RNF121: variants seen among roughly 807,000 people sequenced by gnomAD.
The protein encoded by RNF121 is ring finger protein 121, also known as E3 ubiquitin ligase RNF121.
RNF121 carries 21 observed loss-of-function variants against 46.5 expected under a neutral mutation model. The observed-to-expected ratio is 0.45, with a 90% CI of 0.32 to 0.65. The LOEUF (loss-of-function observed/expected upper bound fraction) is 0.65, where lower values mean the gene tolerates loss of function less well. RNF121 is among the 30% of genes least tolerant of loss of function. The pLI, the probability that RNF121 is intolerant of heterozygous loss-of-function variation, is 0.04. For synonymous variants in RNF121, 139 were observed against 144.7 expected (o/e 0.96, Z 0.28); for missense variants, 346 against 416.0 (o/e 0.83, Z 1.46).
At chr11:71,949,254 C>CA (rs879696416) in intron 1 of RNF121, among the ~76,000 whole-genome samples, 4 of 152,080 alleles carry the variant, frequency 2.6e-5, no homozygotes, top group Non-Finnish European at 5.9e-5. Context: ...CCCTTATCTA[C>CA]AAAAAATTTA....
chr11:71,979,582 C>T (rs1229839933), intron 3 of RNF121, among the ~76,000 whole-genome samples: 1 of 152,198 alleles, frequency 6.6e-6, no homozygotes, highest in Non-Finnish European at 1.5e-5. Flanking sequence ...CCTCATGCCC[C>T]GACTTACTCC....
chr11:71,942,774 A>G (rs901202998), intron 1 of RNF121, among the ~76,000 whole-genome samples: 6 of 12,120 alleles, frequency 5.0e-4, no homozygotes, highest in Non-Finnish European at 4.2e-3. Context: ...ATATATCTGT[A>G]TATATATATA....
intron 4 of RNF121, chr11:71,983,735 G>A (rs1395058405): frequency 6.6e-6 from 1 of 152,298 alleles, no homozygotes; most frequent in East Asian, 1.9e-4. Flanking sequence ...TTTAATGGAG[G>A]AGATGGACAA....
intron 4 of RNF121, among the ~76,000 whole-genome samples, chr11:71,984,770 T>G (rs1230747526): frequency 1.1e-5 from 1 of 89,648 alleles, no homozygotes; most frequent in African/African-American, 4.3e-5. Flanking sequence ...TTTTTTTTTT[T>G]GTCTATTTTT....
intron 3 of RNF121, among the ~76,000 whole-genome samples, chr11:71,970,445 G>T (rs765348675): frequency 6.6e-5 from 10 of 152,174 alleles, no homozygotes; most frequent in Non-Finnish European, 8.8e-5. Flanking sequence ...AGGATCACTT[G>T]ATTCCAGGAG....
At chr11:71,954,801 A>G (rs1464086764) in intron 1 of RNF121, among the ~76,000 whole-genome samples, 1 of 152,212 alleles carries the variant, frequency 6.6e-6, no homozygotes, top group Non-Finnish European at 1.5e-5. Context: ...CTGGTGTCAA[A>G]TGAATACTCC....
At chr11:71,982,283 C>G (rs931721522) in intron 3 of RNF121, among the ~76,000 whole-genome samples, 1 of 126,402 alleles carries the variant, frequency 7.9e-6, no homozygotes, top group African/African-American at 3.0e-5. Context: ...CTACAGTGAG[C>G]CAGGATCACA....
chr11:71,929,610 A>G (rs74712916), intron 1 of RNF121, among the ~76,000 whole-genome samples: 3,868 of 152,250 alleles, frequency 0.025, 159 homozygotes, highest in African/African-American at 0.089. Context: ...TGTTTTATTT[A>G]TCGTTCCATT....
intron 1 of RNF121, among the ~76,000 whole-genome samples, chr11:71,938,383 G>A (rs1313827625): frequency 7.0e-6 from 1 of 143,156 alleles, no homozygotes; most frequent in Non-Finnish European, 1.5e-5. Flanking sequence ...TGCAGTGGTA[G>A]ATCTCTGCTC....
intron 1 of RNF121, among the ~76,000 whole-genome samples, chr11:71,953,753 A>C (rs888941289): frequency 2.0e-5 from 3 of 152,208 alleles, no homozygotes; most frequent in Non-Finnish European, 4.4e-5. Flanking sequence ...AAAGGGCCTT[A>C]AGGGACAAAA....
intron 1 of RNF121, among the ~76,000 whole-genome samples, chr11:71,945,290 A>T: frequency 6.6e-6 from 1 of 152,144 alleles, no homozygotes; most frequent in East Asian, 1.9e-4. Context: ...TGTCTGGCCA[A>T]GATTCACTTT....
chr11:71,936,973 C>G (rs1366928359), intron 1 of RNF121, among the ~76,000 whole-genome samples: 3 of 152,152 alleles, frequency 2.0e-5, no homozygotes, highest in Non-Finnish European at 4.4e-5. Flanking sequence ...GGAATGTTGA[C>G]TAAATTGCAA....
At chr11:71,968,810 C>T (rs923746565) in intron 3 of RNF121, among the ~76,000 whole-genome samples, 3 of 151,668 alleles carry the variant, frequency 2.0e-5, no homozygotes, top group Non-Finnish European at 2.9e-5. Context: ...TCCCTATGAT[C>T]TGGGAGTTTA....
At chr11:71,988,309 G>A (rs1182198932) in intron 5 of RNF121, among the ~76,000 whole-genome samples, 1 of 152,172 alleles carries the variant, frequency 6.6e-6, no homozygotes, top group Non-Finnish European at 1.5e-5. Context: ...AGATGAGGGT[G>A]GAAATAATGC....
chr11:71,986,756 G>A (rs564542091), intron 4 of RNF121, among the ~76,000 whole-genome samples: 34 of 131,508 alleles, frequency 2.6e-4, no homozygotes, highest in African/African-American at 9.3e-4. Context: ...GTGACAGAGC[G>A]AGACTCTCAT....
intron 4 of RNF121, chr11:71,983,762 G>C (rs1954710053): frequency 6.6e-6 from 1 of 152,276 alleles, no homozygotes; most frequent in Non-Finnish European, 1.5e-5. Context: ...TCCTGTTGCA[G>C]TGCAGTTGGT....
At chr11:71,959,271 C>T (rs1349116565) in intron 2 of RNF121, among the ~76,000 whole-genome samples, 1 of 152,148 alleles carries the variant, frequency 6.6e-6, no homozygotes, top group African/African-American at 2.4e-5. Context: ...AAGTTTTCCC[C>T]CCTTACATTT....
At chr11:71,979,117 A>G (rs973407669) in intron 3 of RNF121, among the ~76,000 whole-genome samples, 2 of 152,216 alleles carry the variant, frequency 1.3e-5, no homozygotes, top group African/African-American at 4.8e-5. Flanking sequence ...TGCAAAATTA[A>G]TACTTAATGG....
intron 3 of RNF121, among the ~76,000 whole-genome samples, chr11:71,971,686 C>T (rs1954424659): frequency 6.6e-6 from 1 of 152,134 alleles, no homozygotes; most frequent in Non-Finnish European, 1.5e-5. Context: ...AAGAGATGCT[C>T]AGAGTCATTA....
Sources: allele counts gnomAD v4.1 joint callset (sites outside exome capture counted in the v4.1 genomes callset), GRCh38; gene constraint gnomAD v4.1.1; transcripts MANE v1.5; gene names NCBI Gene and HGNC (gene_info 2026-07-23, HGNC 2026-07-21).